The following STON2 variants were observed in gnomAD, a reference collection of about 807,000 sequenced individuals.
The protein encoded by STON2 is stonin 2, also known as stonin-2.
STON2 carries 29 observed loss-of-function variants against 65.7 expected under a neutral mutation model. That is an observed-to-expected ratio of 0.44 (90% confidence interval 0.33 to 0.60). The LOEUF (loss-of-function observed/expected upper bound fraction) is 0.60, where lower values mean the gene tolerates loss of function less well. Among genes scored for constraint, STON2 ranks in the 20% least tolerant of loss-of-function variants. The probability of loss-of-function intolerance (pLI) is 0.03; values close to 1 mark genes in which losing one functional copy is unlikely to be tolerated. For missense variants in STON2, 1,054 were observed against 1,118.1 expected (o/e 0.94, Z 0.82); for synonymous variants, 404 against 414.2 (o/e 0.98, Z 0.30).
intron 3 of STON2, among the ~76,000 whole-genome samples, chr14:81,377,403 C>T (rs1030067710): frequency 2.0e-5 from 3 of 152,096 alleles, no homozygotes; most frequent in African/African-American, 7.2e-5. Context: ...AGTTAGTTTC[C>T]TTCTTTCTCC....
intron 3 of STON2, among the ~76,000 whole-genome samples, chr14:81,388,305 C>G (rs187003900): frequency 6.6e-6 from 1 of 152,222 alleles, no homozygotes. Flanking sequence ...CCTGGCCAAC[C>G]GTGATGGCAC....
intron 5 of STON2, among the ~76,000 whole-genome samples, chr14:81,309,765 T>C (rs993866495): frequency 5.3e-5 from 8 of 152,192 alleles, no homozygotes; most frequent in African/African-American, 1.7e-4. Context: ...TTCCAAATAA[T>C]AGGCAGGCAT....
intron 2 of STON2, chr14:81,412,967 A>G: frequency 9.8e-7 from 1 of 1,022,878 alleles, no homozygotes; most frequent in Admixed American, 1.8e-5. Flanking sequence ...TCCATGGGTA[A>G]CCATGTGCGA....
intron 5 of STON2, among the ~76,000 whole-genome samples, chr14:81,290,563 T>C (rs1895516615): frequency 6.6e-6 from 1 of 152,142 alleles, no homozygotes; most frequent in Non-Finnish European, 1.5e-5. Context: ...TCAAGAAGTC[T>C]GTTGGGGGTA....
In STON2 at chr14:81,261,635, C is replaced by G. The variant is rs7153668; in HGVS notation, c.*6779G>C. On this transcript the variant is annotated 3_prime_UTR_variant, in exon 8 of 8. Coordinates refer to ENST00000614646, the MANE Select transcript of STON2 (RefSeq NM_001394390.1). Reference sequence around the variant, plus strand: ...ACTGAGTGTCCTCCTTCAATTTTCACAATATTTTATACAAAATGACAAATA... The same window carrying G: ...ACTGAGTGTCCTCCTTCAATTTTCAGAATATTTTATACAAAATGACAAATA... 2 of 794,798 alleles carry G rather than the reference C, an allele frequency of 2.5e-6. No individual in the cohort carries two copies. Among genetic ancestry groups the G allele is most frequent in the African/African-American group, 3.6e-5 (2 of 56,110 alleles). 49.2% of individuals were successfully genotyped at this position (794,798 alleles called of 1,614,324 possible).
intron 1 of STON2, among the ~76,000 whole-genome samples, chr14:81,428,879 C>T (rs944560956): frequency 3.3e-5 from 5 of 152,238 alleles, no homozygotes; most frequent in Non-Finnish European, 7.3e-5. Context: ...GACTATCAAG[C>T]TGGCAATGGT....
At chr14:81,342,121 G>A (rs963649120) in intron 4 of STON2, among the ~76,000 whole-genome samples, 8 of 151,898 alleles carry the variant, frequency 5.3e-5, no homozygotes, top group East Asian at 1.9e-4. Flanking sequence ...TCATAACAAC[G>A]CAGAAAGCCA....
intron 4 of STON2, among the ~76,000 whole-genome samples, chr14:81,327,947 T>A (rs1897059497): frequency 6.6e-6 from 1 of 152,216 alleles, no homozygotes; most frequent in Non-Finnish European, 1.5e-5. Context: ...GTGAGCGCTA[T>A]GACTTTGGTC....
rs892020140 is a variant in STON2, at chr14:81,263,485, C to A, written c.*4929G>T. Among the ~76,000 whole-genome samples the A allele has an allele frequency of 7.0e-6, 1 of 143,432 alleles. No individual in the cohort carries two copies. The highest frequency in any genetic ancestry group is 2.2e-4 in the South Asian group (1 of 4,522). The allele number at this position is 143,432 out of a possible 152,430, so 94.1% of individuals were successfully genotyped here. A position where few individuals can be genotyped will look rare whatever the true frequency, so the allele number is the denominator to read the frequency against. ...CCCGGGAGGCGGAGGTTGCAGTGAGCCGATGTCGTGCCACTGCACTCTAGC... is the reference window on the plus strand; with the variant it reads ...CCCGGGAGGCGGAGGTTGCAGTGAGACGATGTCGTGCCACTGCACTCTAGC... On this transcript the variant is annotated 3_prime_UTR_variant, in exon 8 of 8. Transcript: ENST00000614646.
At chr14:81,399,003 C>T (rs1031598026) in intron 1 of STON2, among the ~76,000 whole-genome samples, 1 of 152,180 alleles carries the variant, frequency 6.6e-6, no homozygotes, top group African/African-American at 2.4e-5. Context: ...GCAGGTAACT[C>T]TTTATAAACC....
intron 4 of STON2, among the ~76,000 whole-genome samples, chr14:81,363,902 T>C (rs1281345302): frequency 6.6e-6 from 1 of 152,192 alleles, no homozygotes; most frequent in African/African-American, 2.4e-5. Context: ...TGGAGCTCTA[T>C]GAGCTGCAGC....
At chr14:81,271,752 C>A (rs1894602894) in intron 6 of STON2, among the ~76,000 whole-genome samples, 1 of 152,208 alleles carries the variant, frequency 6.6e-6, no homozygotes. Flanking sequence ...GTGACTATAA[C>A]CACTGAAACA....
chr14:81,316,434 G>A (rs1471348447), intron 5 of STON2, among the ~76,000 whole-genome samples: 5 of 152,200 alleles, frequency 3.3e-5, no homozygotes, highest in Admixed American at 2.0e-4. Flanking sequence ...TTTTCCCATG[G>A]AGCACAAATA....
intron 2 of STON2, among the ~76,000 whole-genome samples, chr14:81,412,583 G>A (rs1337575512): frequency 7.2e-6 from 1 of 138,910 alleles, no homozygotes; most frequent in African/African-American, 3.0e-5. Flanking sequence ...AGGGGCCAGG[G>A]AGGCAGAGAA....
rs568981011 is a variant in STON2, at chr14:81,430,784, A to G, written c.-309-3572T>C. On this transcript the variant is annotated intron_variant, in intron 1 of 8. Transcript: ENST00000553821. ...TAATATAACTAGATAATAGAAGATA[A>G]TATTTTTCTATGCTGTGATACTTAA... is the stretch of plus-strand genomic sequence containing the variant. 8.9e-4 allele frequency among the ~76,000 whole-genome samples: 135 copies of G among 152,316 alleles called. No individual in the cohort carries two copies. The Middle Eastern group carries it at 0.014, about 15-fold the overall frequency.
intron 5 of STON2, among the ~76,000 whole-genome samples, chr14:81,310,941 T>G (rs1184142047): frequency 1.3e-5 from 2 of 152,180 alleles, no homozygotes; most frequent in Admixed American, 6.5e-5. Flanking sequence ...ATGCAAAGGA[T>G]TTGAGGACTA....
At chr14:81,338,799 A>C (rs1008710371) in intron 4 of STON2, among the ~76,000 whole-genome samples, 7 of 152,218 alleles carry the variant, frequency 4.6e-5, no homozygotes, top group African/African-American at 1.7e-4. Context: ...TTCAGTGACC[A>C]GAGGTGAAAC....
intron 5 of STON2, among the ~76,000 whole-genome samples, chr14:81,297,265 A>T (rs1229397583): frequency 1.3e-5 from 2 of 152,218 alleles, no homozygotes; most frequent in African/African-American, 4.8e-5. Flanking sequence ...TCTAGGAGAC[A>T]TCTGTATGAG....
chr14:81,316,504 T>C (rs570117895), intron 5 of STON2, among the ~76,000 whole-genome samples: 1 of 152,300 alleles, frequency 6.6e-6, no homozygotes, highest in African/African-American at 2.4e-5. Context: ...ACTCAGTAAG[T>C]AATGCTTGTT....
Sources: gnomAD v4.1 joint callset for allele counts (sites outside exome capture counted in the v4.1 genomes callset) on GRCh38, gnomAD v4.1.1 for gene constraint, MANE v1.5 for transcripts, NCBI Gene and HGNC (gene_info 2026-07-23, HGNC 2026-07-21) for gene names.